The following ZBTB20 variants were observed in gnomAD, a reference collection of about 807,000 sequenced individuals.
The protein encoded by ZBTB20 is zinc finger and BTB domain-containing protein 20.
ZBTB20 carries 9 observed loss-of-function variants against 56.9 expected under a neutral mutation model. That is an observed-to-expected ratio of 0.16 (90% CI 0.10 to 0.28). The LOEUF is 0.28. Ranked by LOEUF, ZBTB20 falls within the 10% of genes least tolerant of loss-of-function variation. ZBTB20 has a pLI of 1.00. For missense variants in ZBTB20, 655 were observed against 1,003.0 expected (o/e 0.65, Z 4.69); for synonymous variants, 417 against 420.7 (o/e 0.99, Z 0.11).
chr3:114,842,078 G>A (rs1364276051), intron 4 of ZBTB20, among the ~76,000 whole-genome samples: 1 of 152,160 alleles, frequency 6.6e-6, no homozygotes, highest in Admixed American at 6.6e-5. Context: ...TATAAGATAA[G>A]CAGGGTGGGC....
At chr3:114,801,866 G>GT (rs2071745727) in intron 4 of ZBTB20, among the ~76,000 whole-genome samples, 1 of 151,888 alleles carries the variant, frequency 6.6e-6, no homozygotes, top group Non-Finnish European at 1.5e-5. Flanking sequence ...CCTGGTTTAA[G>GT]TAACTGTAAG....
At chr3:114,540,140 A>G (rs983040970) in intron 6 of ZBTB20, among the ~76,000 whole-genome samples, 1 of 151,710 alleles carries the variant, frequency 6.6e-6, no homozygotes, top group Non-Finnish European at 1.5e-5. Flanking sequence ...TTTAGCTCCC[A>G]CTTATAAGTG....
intron 6 of ZBTB20, chr3:114,519,969 G>A (rs1258583463): frequency 6.6e-6 from 1 of 151,842 alleles, no homozygotes; most frequent in Non-Finnish European, 1.5e-5. Flanking sequence ...GGTTATAGGG[G>A]TGACAAAAGG....
chr3:114,663,455 C>T (rs1204646118), intron 6 of ZBTB20, among the ~76,000 whole-genome samples: 2 of 148,174 alleles, frequency 1.3e-5, no homozygotes, highest in East Asian at 2.0e-4. Flanking sequence ...TAAAGACCAT[C>T]GAGACTAGGA....
intron 4 of ZBTB20, among the ~76,000 whole-genome samples, chr3:114,840,827 C>T (rs1407147903): frequency 6.6e-6 from 1 of 152,062 alleles, no homozygotes; most frequent in Non-Finnish European, 1.5e-5. Flanking sequence ...GGAATAACTC[C>T]TTAATACTAA....
intron 1 of ZBTB20, among the ~76,000 whole-genome samples, chr3:115,080,583 T>C (rs970515881): frequency 1.3e-5 from 2 of 152,194 alleles, no homozygotes; most frequent in African/African-American, 4.8e-5. Context: ...AAGGCAGACT[T>C]AATAATAAAT....
chr3:114,738,344 T>A (rs1241205096), intron 5 of ZBTB20, among the ~76,000 whole-genome samples: 4 of 152,128 alleles, frequency 2.6e-5, no homozygotes, highest in Non-Finnish European at 5.9e-5. Context: ...TAATTAATAA[T>A]TCATATTTTT....
At chr3:114,422,934 A>G (rs1467971648) in intron 7 of ZBTB20, among the ~76,000 whole-genome samples, 1 of 152,168 alleles carries the variant, frequency 6.6e-6, no homozygotes, top group Non-Finnish European at 1.5e-5. Context: ...CAAAGTAGTC[A>G]AAGTCTACTT....
intron 5 of ZBTB20, among the ~76,000 whole-genome samples, chr3:114,755,078 T>C (rs1413815098): frequency 1.3e-5 from 2 of 152,318 alleles, no homozygotes; most frequent in African/African-American, 4.8e-5. Flanking sequence ...GGAATGGGGT[T>C]CAGGAATCTC....
In ZBTB20 at chr3:114,322,553, A is replaced by G. The variant is rs1284183663; in HGVS notation, c.*16452T>C. 6.6e-6 allele frequency: 1 copy of G among 152,230 alleles called. No individual in the cohort carries two copies. The highest frequency in any genetic ancestry group is 1.5e-5 in the Non-Finnish European group (1 of 68,044). The allele number at this position is 152,230 out of a possible 1,614,324, so 9.4% of individuals were successfully genotyped here. A position where few individuals can be genotyped will look rare whatever the true frequency, so the allele number is the denominator to read the frequency against. Reference sequence around the variant, plus strand: ...AAGGAAGAAGTTTTCCAAAGCCTCAAGAGAAGTATCCTAGGACAGTTAATG... The same window carrying G: ...AAGGAAGAAGTTTTCCAAAGCCTCAGGAGAAGTATCCTAGGACAGTTAATG... On this transcript the variant is annotated 3_prime_UTR_variant, in exon 12 of 12. Coordinates refer to ENST00000675478, the MANE Select transcript of ZBTB20 (RefSeq NM_001348800.3).
intron 4 of ZBTB20, among the ~76,000 whole-genome samples, chr3:114,871,074 C>T (rs7623878): frequency 2.6e-5 from 4 of 152,074 alleles, no homozygotes; most frequent in South Asian, 2.1e-4. Flanking sequence ...GAAGTCTTTT[C>T]TGTGATACAA....
At chr3:114,433,635 G>A (rs189482476) in intron 7 of ZBTB20, among the ~76,000 whole-genome samples, 214 of 152,224 alleles carry the variant, frequency 1.4e-3, no homozygotes, top group Non-Finnish European at 1.2e-3. Flanking sequence ...GCACATTCTA[G>A]GTGTTGAGGG....
At chr3:114,934,656 T>G (rs1332404359) in intron 3 of ZBTB20, among the ~76,000 whole-genome samples, 1 of 152,140 alleles carries the variant, frequency 6.6e-6, no homozygotes, top group African/African-American at 2.4e-5. Context: ...TTTTTAACAT[T>G]CTAAGAGGTA....
chr3:114,529,141 C>G (rs2047557324), intron 6 of ZBTB20: 1 of 152,204 alleles, frequency 6.6e-6, no homozygotes, highest in Admixed American at 6.5e-5. Flanking sequence ...ATTTCCCAGC[C>G]TTCTCTGCAG....
In ZBTB20 at chr3:114,339,173, G is replaced by T. The variant is rs1183361704; in HGVS notation, c.2058C>A (p.Ala686=). The change falls in exon 12 of 12, where the codon GCC becomes GCA. Residue 686 remains alanine (A), a synonymous_variant. Transcript: ENST00000675478. This position sits in a 1 kb window ranked among gnomAD's most constrained non-coding sequence, Gnocchi z 4.2. The part of the protein sequence containing the change: ...LLERHVALHS[A]SNGTPPAGTP... ...TGCCTGCAGGGGGGGTCCCATTGCT[G>T]GCACTGTGCAGGGCCACGTGTCGCT... is the stretch of plus-strand genomic sequence containing the variant. The T allele has an allele frequency of 6.2e-7, 1 of 1,614,196 alleles. No individual in the cohort carries two copies. The highest frequency in any genetic ancestry group is 1.1e-5 in the South Asian group (1 of 91,092).
At chr3:114,521,169 T>G (rs2046597178) in intron 6 of ZBTB20, among the ~76,000 whole-genome samples, 1 of 152,146 alleles carries the variant, frequency 6.6e-6, no homozygotes, top group African/African-American at 2.4e-5. Context: ...GAAAAATTAC[T>G]TTCAGGAAGG....
At chr3:114,777,988 C>T (rs1010279739) in intron 5 of ZBTB20, among the ~76,000 whole-genome samples, 7 of 149,944 alleles carry the variant, frequency 4.7e-5, no homozygotes, top group Non-Finnish European at 7.4e-5. Flanking sequence ...AGCAAACTAT[C>T]GCAAAGACAA....
intron 10 of ZBTB20, among the ~76,000 whole-genome samples, chr3:114,375,474 A>G (rs870248): frequency 0.065 from 9,829 of 152,272 alleles, 1,078 homozygotes; most frequent in African/African-American, 0.22. Context: ...TTCCAGTTTG[A>G]ATACAGCATA....
intron 3 of ZBTB20, among the ~76,000 whole-genome samples, chr3:114,914,756 A>G (rs956496816): frequency 5.3e-5 from 8 of 150,498 alleles, no homozygotes; most frequent in African/African-American, 2.0e-4. Flanking sequence ...CAGTTTTTTG[A>G]GGGTTTTTTT....
Sources: allele counts gnomAD v4.1 joint callset (sites outside exome capture counted in the v4.1 genomes callset), GRCh38; gene constraint gnomAD v4.1.1; non-coding constraint Gnocchi (gnomAD v3.1); transcripts MANE v1.5; gene names NCBI Gene and HGNC (gene_info 2026-07-23, HGNC 2026-07-21).